Variants in CDKL3 observed in about 807,000 individuals in gnomAD.
The protein encoded by CDKL3 is cyclin-dependent kinase-like 3.
In CDKL3, 65 loss-of-function variants were observed where a neutral mutation model predicts 69.3. The ratio of observed to expected loss-of-function variants is 0.94; its 90% CI spans 0.77 to 1.15. The LOEUF is 1.15. CDKL3 is among the 50% of genes most tolerant of loss of function. CDKL3 has a pLI of 0.00. For missense variants in CDKL3, 652 were observed against 689.2 expected (o/e 0.95, Z 0.61); for synonymous variants, 202 against 221.6 (o/e 0.91, Z 0.79).
intron 4 of CDKL3, among the ~76,000 whole-genome samples, chr5:134,334,717 A>G: frequency 1.3e-5 from 2 of 152,168 alleles, no homozygotes; most frequent in Non-Finnish European, 2.9e-5. Flanking sequence ...TTTGCTGAGG[A>G]GTGTTTTACT....
At chr5:134,326,817 G>GTATATATATATATGTGTGTGTATA (rs1774358221) in intron 4 of CDKL3, among the ~76,000 whole-genome samples, 1 of 120,492 alleles carries the variant, frequency 8.3e-6, no homozygotes, top group Non-Finnish European at 1.6e-5. Context: ...ATATGTGTGT[G>GTATATATATATATGTGTGTGTATA]TATATATATA....
intron 10 of CDKL3, among the ~76,000 whole-genome samples, chr5:134,305,603 A>G (rs763691636): frequency 2.6e-4 from 40 of 152,228 alleles, no homozygotes; most frequent in Admixed American, 1.4e-3. Flanking sequence ...CTGTGTTACC[A>G]GATTTTTGTT....
chr5:134,364,916 C>T (rs149503131), intron 2 of CDKL3, among the ~76,000 whole-genome samples: 1,871 of 151,348 alleles, frequency 0.012, 14 homozygotes, highest in Non-Finnish European at 0.02. Context: ...GAGCGATTGT[C>T]GTGCCTCAGC....
rs1765900438 is a variant in CDKL3, at chr5:134,299,894, T to C, written c.1720-1184A>G. On this transcript the variant is annotated intron_variant, in intron 12 of 12. Transcript: ENST00000265334. ...GGAAACTATTTAGCAATGTATTCCT[T>C]ATCATTATCATCCAACAAAACAAAA... is the stretch of plus-strand genomic sequence containing the variant. 4 of 570,704 alleles carry C rather than the reference T, an allele frequency of 7.0e-6. No individual in the cohort carries two copies. In the East Asian group the frequency reaches 8.8e-5, roughly 12 times the overall value. 35.4% of individuals were successfully genotyped at this position (570,704 alleles called of 1,614,324 possible).
chr5:134,315,603 G>A (rs1456369210), intron 6 of CDKL3, among the ~76,000 whole-genome samples: 2 of 151,850 alleles, frequency 1.3e-5, no homozygotes, highest in Non-Finnish European at 2.9e-5. Context: ...CAAAGTGCTG[G>A]GATTACATGC....
At chr5:134,303,096 T>A (rs944507149) in intron 11 of CDKL3, among the ~76,000 whole-genome samples, 3 of 145,306 alleles carry the variant, frequency 2.1e-5, no homozygotes, top group African/African-American at 7.5e-5. Flanking sequence ...AGTTCATAAA[T>A]TTTTTTTTTT....
chr5:134,344,042 A>G (rs1170907910), intron 4 of CDKL3, among the ~76,000 whole-genome samples: 1 of 152,192 alleles, frequency 6.6e-6, no homozygotes, highest in Non-Finnish European at 1.5e-5. Flanking sequence ...CAACACCATA[A>G]TGGGGAAAGA....
intron 3 of CDKL3, among the ~76,000 whole-genome samples, chr5:134,351,456 C>A (rs559356612): frequency 6.6e-6 from 1 of 152,114 alleles, no homozygotes; most frequent in Non-Finnish European, 1.5e-5. Flanking sequence ...CTCCATTGCC[C>A]AGACCAGAGT....
chr5:134,326,744 G>A (rs548325959), intron 4 of CDKL3, among the ~76,000 whole-genome samples: 58 of 149,332 alleles, frequency 3.9e-4, no homozygotes, highest in Admixed American at 1.7e-3. Context: ...AGGTTCAAGC[G>A]ATTCTCCTGC....
At chr5:134,352,422 T>A (rs145883924) in intron 3 of CDKL3, among the ~76,000 whole-genome samples, 3,607 of 151,766 alleles carry the variant, frequency 0.024, 88 homozygotes, top group African/African-American at 0.062. Context: ...TGCCTTAGCC[T>A]CCTGAGTAGC....
chr5:134,371,398 A>G (rs1001495651), upstream of CDKL3: 4 of 719,490 alleles, frequency 5.6e-6, no homozygotes, highest in South Asian at 3.6e-5. Flanking sequence ...CAGCACTCAC[A>G]CTGTGGTAGC....
intron 9 of CDKL3, 66 bp downstream of exon 9, chr5:134,308,072 G>GA: frequency 6.7e-7 from 1 of 1,498,584 alleles, no homozygotes; most frequent in South Asian, 1.3e-5. Context: ...CTATGAACAC[G>GA]ATTCTTTGAA....
intron 3 of CDKL3, among the ~76,000 whole-genome samples, chr5:134,357,203 T>G (rs534950927): frequency 6.6e-6 from 1 of 151,974 alleles, no homozygotes; most frequent in Admixed American, 6.5e-5. Flanking sequence ...CCCAGCACTT[T>G]GGGAGGCTAA....
chr5:134,364,511 T>C (rs1041486969), intron 2 of CDKL3, among the ~76,000 whole-genome samples: 1 of 152,142 alleles, frequency 6.6e-6, no homozygotes, highest in African/African-American at 2.4e-5. Context: ...TTCTACACTC[T>C]TTCATGTCTT....
At chr5:134,305,138 CAG>C (rs961777474) in intron 10 of CDKL3, among the ~76,000 whole-genome samples, 8 of 151,236 alleles carry the variant, frequency 5.3e-5, no homozygotes, top group Non-Finnish European at 1.2e-4. Context: ...ATTATTAAGA[CAG>C]AGTCTTGCTT....
At chr5:134,303,165 C>T (rs1400086429) in intron 11 of CDKL3, among the ~76,000 whole-genome samples, 1 of 151,712 alleles carries the variant, frequency 6.6e-6, no homozygotes, top group Non-Finnish European at 1.5e-5. Flanking sequence ...GATCTCGGCT[C>T]ACTGCAACCT....
intron 8 of CDKL3, among the ~76,000 whole-genome samples, chr5:134,287,203 A>C (rs2149402844): frequency 6.6e-6 from 1 of 152,318 alleles, no homozygotes; most frequent in Non-Finnish European, 1.5e-5. Context: ...ATGTGACACA[A>C]AGATCAGGAA....
At chr5:134,316,645 A>G (rs1015177638) in intron 6 of CDKL3, among the ~76,000 whole-genome samples, 4 of 152,214 alleles carry the variant, frequency 2.6e-5, no homozygotes, top group South Asian at 2.1e-4. Context: ...TAGCGGGGGG[A>G]AAATCGAAAA....
At chr5:134,321,744 A>T (rs1772848313) in intron 5 of CDKL3, 47 bp downstream of exon 5, 1 of 985,886 alleles carries the variant, frequency 1.0e-6, no homozygotes, top group South Asian at 1.4e-5. Context: ...TTGATCTGGC[A>T]ATATTTATTT....
Sources: gnomAD v4.1 joint callset for allele counts (sites outside exome capture counted in the v4.1 genomes callset) on GRCh38, gnomAD v4.1.1 for gene constraint, MANE v1.5 for transcripts, NCBI Gene and HGNC (gene_info 2026-07-23, HGNC 2026-07-21) for gene names.